OTUB1: variants seen among roughly 807,000 people sequenced by gnomAD.
OTUB1 encodes the protein OTU deubiquitinase, ubiquitin aldehyde binding 1.
OTUB1 carries 10 observed loss-of-function variants against 35.8 expected under a neutral mutation model. The observed-to-expected ratio is 0.28, with a 90% confidence interval of 0.17 to 0.47. The LOEUF (loss-of-function observed/expected upper bound fraction) is 0.47, where lower values mean the gene tolerates loss of function less well. Ranked by LOEUF, OTUB1 falls within the 20% of genes least tolerant of loss-of-function variation. The probability of loss-of-function intolerance (pLI) is 0.99; values close to 1 mark genes in which losing one functional copy is unlikely to be tolerated. For synonymous variants in OTUB1, 158 were observed against 143.8 expected (o/e 1.10, Z -0.71); for missense variants, 264 against 351.6 (o/e 0.75, Z 1.99).
chr11:63,992,567 G>A, intron 3 of OTUB1, among the ~76,000 whole-genome samples: 1 of 152,004 alleles, frequency 6.6e-6, no homozygotes, highest in African/African-American at 2.4e-5. Context: ...TTGAGAGAGA[G>A]TGTTGCCCTG....
At chr11:63,987,422 C>T (rs1431624241) in intron 1 of OTUB1, among the ~76,000 whole-genome samples, 1 of 152,216 alleles carries the variant, frequency 6.6e-6, no homozygotes, top group Non-Finnish European at 1.5e-5. Context: ...TAGCTCCTCA[C>T]CGATAGCTGC....
intron 1 of OTUB1, 32 bp from the exon 2 acceptor site, chr11:63,988,305 C>G: frequency 6.5e-7 from 1 of 1,543,940 alleles, no homozygotes; most frequent in Non-Finnish European, 8.8e-7. Context: ...GCCAGGACCC[C>G]CTGTAATCTT....
chr11:63,997,181 C>G lies in OTUB1; in HGVS notation c.555C>G (p.Arg185=). 1 of 1,614,222 alleles carries G rather than the reference C, an allele frequency of 6.2e-7. No homozygotes were observed. Among genetic ancestry groups the G allele is most frequent in the Non-Finnish European group, 8.5e-7 (1 of 1,180,044 alleles). Residue 185 remains arginine, a synonymous_variant, in exon 6 of 7, where the codon CGC becomes CGG. Coordinates refer to ENST00000538426, the MANE Select transcript of OTUB1 (RefSeq NM_017670.3). ...TGCTCACCTCGGGCTACCTGCAGCG[C>G]GAGAGCAAGTTCTTCGAGCACTTCA... ...LRLLTSGYLQ[R]ESKFFEHFIE... is the part of the protein sequence containing the mutation.
intron 3 of OTUB1, chr11:63,989,801 G>A (rs1456994368): frequency 1.3e-5 from 2 of 151,020 alleles, no homozygotes; most frequent in Non-Finnish European, 3.0e-5. Context: ...TGAGGCGGGC[G>A]GATCACGAGG....
intron 3 of OTUB1, chr11:63,990,660 G>A (rs1452051313): frequency 6.6e-6 from 1 of 151,972 alleles, no homozygotes; most frequent in Non-Finnish European, 1.5e-5. Flanking sequence ...TATCTGGTAG[G>A]CTCAGTGTAG....
intron 3 of OTUB1, among the ~76,000 whole-genome samples, chr11:63,991,642 G>A (rs1942673733): frequency 6.6e-6 from 1 of 152,202 alleles, no homozygotes. Flanking sequence ...TTCGCCCTGT[G>A]CCAAATCCCT....
intron 1 of OTUB1, 53 bp from the exon 2 acceptor site, chr11:63,988,284 C>T: frequency 4.1e-6 from 6 of 1,452,214 alleles, no homozygotes; most frequent in South Asian, 1.2e-5. Context: ...CAGCTGCCTG[C>T]AGTGGAGATG....
intron 3 of OTUB1, among the ~76,000 whole-genome samples, chr11:63,994,700 GA>G (rs1942701594): frequency 6.6e-6 from 1 of 152,242 alleles, no homozygotes. Context: ...CCAGCCCAGG[GA>G]AGGAGGCATC....
At chr11:63,989,015 AG>A in intron 3 of OTUB1, 16 of 309,144 alleles carry the variant, frequency 5.2e-5, no homozygotes, top group Non-Finnish European at 5.9e-5. Context: ...ACTTCATCTC[AG>A]AAAAAAAAAA....
At chr11:63,993,256 C>T (rs1244011811) in intron 3 of OTUB1, among the ~76,000 whole-genome samples, 2 of 152,148 alleles carry the variant, frequency 1.3e-5, no homozygotes, top group South Asian at 2.1e-4. Flanking sequence ...ATCTCAGCTG[C>T]ACTCAGTGGA....
At chr11:63,988,584 T>C in intron 2 of OTUB1, 70 bp from the exon 3 acceptor site, 1 of 1,333,564 alleles carries the variant, frequency 7.5e-7, no homozygotes, top group South Asian at 1.2e-5. Flanking sequence ...TCTTTTGTAG[T>C]TATTCTGTCT....
chr11:63,996,445 G>C lies in OTUB1; in HGVS notation c.220-85G>C. 3 of 1,470,146 alleles carry C rather than the reference G, an allele frequency of 2.0e-6. No individual in the cohort carries two copies. The South Asian group carries it at 3.5e-5, about 17-fold the overall frequency. The allele number at this position is 1,470,146 out of a possible 1,614,324, so 91.1% of individuals were successfully genotyped here. A position where few individuals can be genotyped will look rare whatever the true frequency, so the allele number is the denominator to read the frequency against. On this transcript the variant is annotated intron_variant, in intron 3 of 6. Coordinates refer to ENST00000538426, the MANE Select transcript of OTUB1 (RefSeq NM_017670.3). The stretch of plus-strand genomic sequence containing the variant: ...TGGGAGCTCAGTTGCCACCTTTGGA[G>C]TGTGACCTTTGCTGGGGGACATTTC...
intron 1 of OTUB1, chr11:63,986,774 G>T: frequency 2.1e-6 from 1 of 465,852 alleles, no homozygotes; most frequent in Admixed American, 4.0e-5. Flanking sequence ...GCGGGGCCTG[G>T]GTCGCTCCGC....
chr11:63,996,778 G>A (rs760091569), intron 4 of OTUB1, 79 bp from the exon 5 acceptor site: 156 of 1,609,574 alleles, frequency 9.7e-5, no homozygotes, highest in African/African-American at 2.0e-4. Context: ...CTTGCCAGGC[G>A]GGGCAGTGCT....
chr11:63,992,754 T>C (rs1295511485), intron 3 of OTUB1, among the ~76,000 whole-genome samples: 1 of 152,054 alleles, frequency 6.6e-6, no homozygotes, highest in Non-Finnish European at 1.5e-5. Context: ...TTTCACCATA[T>C]TGGCTAGGCT....
chr11:63,987,782 G>C lies in OTUB1; in HGVS notation c.59-555G>C, dbSNP rs1313189244. Reference sequence around the variant, plus strand: ...CAGGCTCATAGGAAGCTCTCCTCCAGGCCAGGACTCTGCTTCCTCGTCCTA... The same window carrying C: ...CAGGCTCATAGGAAGCTCTCCTCCACGCCAGGACTCTGCTTCCTCGTCCTA... On this transcript the variant is annotated intron_variant, in intron 1 of 6. Transcript: ENST00000538426. Among the ~76,000 whole-genome samples the C allele has an allele frequency of 3.9e-5, 6 of 152,286 alleles. No homozygotes were observed. The East Asian group carries it at 1.2e-3, about 29-fold the overall frequency.
Position 63,996,860 on chromosome 11 carries a change from C to T in OTUB1, c.342C>T (p.Phe114=), listed in dbSNP as rs1942724117. 1.2e-6 allele frequency: 2 copies of T among 1,614,078 alleles called. No individual in the cohort carries two copies. The highest frequency in any genetic ancestry group is 1.1e-5 in the South Asian group (1 of 91,072). ...LLDDSKELQR[F]KAVSAKSKED... ...CGCCTTTCCATCCCACCCCCAGGTTCAAGGCTGTGTCTGCCAAGAGCAAGG... is the reference window on the plus strand; with the variant it reads ...CGCCTTTCCATCCCACCCCCAGGTTTAAGGCTGTGTCTGCCAAGAGCAAGG... Residue 114 remains phenylalanine (F), a synonymous_variant, in exon 5 of 7, where the codon TTC becomes TTT. Coordinates refer to ENST00000538426, the MANE Select transcript of OTUB1 (RefSeq NM_017670.3).
At chr11:63,986,743 T>G in intron 1 of OTUB1, 1 of 513,164 alleles carries the variant, frequency 1.9e-6, no homozygotes, top group Non-Finnish European at 3.4e-6. Context: ...CCGCGGCCCT[T>G]CTCCATCGTG....
At chr11:63,992,390 G>T (rs1942680520) in intron 3 of OTUB1, among the ~76,000 whole-genome samples, 1 of 135,506 alleles carries the variant, frequency 7.4e-6, no homozygotes, top group Non-Finnish European at 1.5e-5. Context: ...CACCTGGATG[G>T]TTTGAGGCCA....
Sources: gnomAD v4.1 joint callset for allele counts (sites outside exome capture counted in the v4.1 genomes callset) on GRCh38, gnomAD v4.1.1 for gene constraint, MANE v1.5 for transcripts, NCBI Gene and HGNC (gene_info 2026-07-23, HGNC 2026-07-21) for gene names.